Variants in NRXN2 observed in about 807,000 individuals in gnomAD.
NRXN2 encodes the protein neurexin 2, also known as neurexin-2-beta.
Under a neutral mutation model 128.8 loss-of-function variants are expected in NRXN2, and 29 were observed. The observed-to-expected ratio is 0.23, with a 90% CI of 0.17 to 0.31. The LOEUF (loss-of-function observed/expected upper bound fraction) is 0.31. Among genes scored for constraint, NRXN2 ranks in the 10% least tolerant of loss-of-function variants. The pLI, the probability that NRXN2 is intolerant of heterozygous loss-of-function variation, is 1.00. For missense variants in NRXN2, 1,881 were observed against 2,452.6 expected (o/e 0.77, Z 4.92); for synonymous variants, 1,098 against 1,075.2 (o/e 1.02, Z -0.41).
intron 18 of NRXN2, among the ~76,000 whole-genome samples, chr11:64,633,706 AT>A (rs1435002570): frequency 6.6e-6 from 1 of 152,116 alleles, no homozygotes; most frequent in Non-Finnish European, 1.5e-5. Flanking sequence ...CTCTGTCTTC[AT>A]CCCCCACTGT....
rs2044262188 is a variant in NRXN2, at chr11:64,633,642, C to G, written c.3585+1629G>C. Among the ~76,000 whole-genome samples, 3 of 152,154 alleles carry G rather than the reference C, an allele frequency of 2.0e-5. No homozygotes were observed. The South Asian group carries it at 6.2e-4, about 32-fold the overall frequency. On this transcript the variant is annotated intron_variant, in intron 18 of 22. Coordinates refer to ENST00000265459, the MANE Select transcript of NRXN2 (RefSeq NM_015080.4). ...ATTGAAACAACTGCAAACACCACTA[C>G]ATGGGGAAATACACATCTATAGATA...
chr11:64,663,325 C>T (rs563308814), intron 9 of NRXN2, among the ~76,000 whole-genome samples: 28 of 151,730 alleles, frequency 1.8e-4, no homozygotes, highest in Non-Finnish European at 4.0e-4. Flanking sequence ...TGAGATCATG[C>T]CACTACACTC....
chr11:64,683,149 C>T (rs1225743777), intron 6 of NRXN2, among the ~76,000 whole-genome samples: 1 of 152,224 alleles, frequency 6.6e-6, no homozygotes, highest in African/African-American at 2.4e-5. Flanking sequence ...ACAGTGTTCT[C>T]AGATCCTGGC....
chr11:64,702,072 C>G (rs924979991), intron 2 of NRXN2, among the ~76,000 whole-genome samples: 1 of 148,448 alleles, frequency 6.7e-6, no homozygotes, highest in Non-Finnish European at 1.5e-5. Context: ...CCCTGCCGCC[C>G]CTACTGGGAA....
At chr11:64,614,629 C>T (rs931919428) in intron 22 of NRXN2, among the ~76,000 whole-genome samples, 3 of 152,246 alleles carry the variant, frequency 2.0e-5, no homozygotes, top group African/African-American at 7.2e-5. Flanking sequence ...GGGCAGAGAG[C>T]CTGGCCTGCC....
intron 17 of NRXN2, among the ~76,000 whole-genome samples, chr11:64,645,423 G>A (rs2046497345): frequency 6.6e-6 from 1 of 152,078 alleles, no homozygotes; most frequent in South Asian, 2.1e-4. Context: ...GATGAACGGA[G>A]ACAGGGAGGC....
At position 64,630,638 on chromosome 11, in the gene NRXN2, C is replaced by T; in HGVS notation, c.3586-65G>A. 5 of 1,574,428 alleles carry T rather than the reference C, an allele frequency of 3.2e-6. No individual in the cohort carries two copies. The highest frequency in any genetic ancestry group is 1.1e-5 in the South Asian group (1 of 89,662). On this transcript the variant is annotated intron_variant, in intron 18 of 22. Coordinates refer to ENST00000265459, the MANE Select transcript of NRXN2 (RefSeq NM_015080.4). This position sits in a 1 kb window ranked among gnomAD's most constrained non-coding sequence, Gnocchi z 4.6. Reference sequence around the variant, plus strand: ...AACCATTCATCCCTTCTAGTGGCTACTCCTGTGACCACCACTAGCCCAGCT... The same window carrying T: ...AACCATTCATCCCTTCTAGTGGCTATTCCTGTGACCACCACTAGCCCAGCT...
chr11:64,671,450 C>T (rs991075994), intron 7 of NRXN2, among the ~76,000 whole-genome samples: 6 of 152,138 alleles, frequency 3.9e-5, no homozygotes, highest in East Asian at 1.9e-4. Context: ...ATAATTCCCC[C>T]GGTCCCCCTC....
chr11:64,679,251 TTA>T, intron 6 of NRXN2, among the ~76,000 whole-genome samples: 1 of 152,240 alleles, frequency 6.6e-6, no homozygotes, highest in African/African-American at 2.4e-5. Flanking sequence ...ACTCTTTGAG[TTA>T]GAACTGGTTA....
chr11:64,620,496 C>CT (rs1193158606), intron 21 of NRXN2, 124 bp from the exon 22 acceptor site: 15 of 762,210 alleles, frequency 2.0e-5, no homozygotes, highest in Non-Finnish European at 2.9e-5. Flanking sequence ...CCAGACTGGT[C>CT]TGAGTCCCAG....
intron 3 of NRXN2, among the ~76,000 whole-genome samples, chr11:64,693,130 GA>G (rs1448955027): frequency 2.7e-5 from 4 of 150,084 alleles, no homozygotes; most frequent in Non-Finnish European, 5.9e-5. Flanking sequence ...AAGAGAGAAA[GA>G]GAGATTAGGG....
chr11:64,697,117 A>T (rs2054656699), intron 3 of NRXN2, among the ~76,000 whole-genome samples: 1 of 151,718 alleles, frequency 6.6e-6, no homozygotes, highest in African/African-American at 2.4e-5. Flanking sequence ...AGAGGCACAC[A>T]CCCCACCCTT....
chr11:64,695,459 T>C (rs2054374827), intron 3 of NRXN2, among the ~76,000 whole-genome samples: 1 of 151,628 alleles, frequency 6.6e-6, no homozygotes, highest in Admixed American at 6.6e-5. Flanking sequence ...TACAGAGGAC[T>C]CCTTAGAGAT....
rs1440334201 is a variant in NRXN2 at position 64,658,886 on chromosome 11, G to A, written c.2389+1446C>T. Among the ~76,000 whole-genome samples the A allele has an allele frequency of 3.3e-5, 5 of 152,078 alleles. No homozygotes were observed. The South Asian group carries it at 8.3e-4, about 25-fold the overall frequency. ...CTAAAAATACAAAAATTAGCCAGGC[G>A]TGGTGGCGGGTGCCTGTAATCCCAG... On this transcript the variant is annotated intron_variant, in intron 11 of 22. Transcript: ENST00000265459.
At chr11:64,663,243 T>C (rs979727936) in intron 9 of NRXN2, among the ~76,000 whole-genome samples, 1 of 152,026 alleles carries the variant, frequency 6.6e-6, no homozygotes, top group African/African-American at 2.4e-5. Flanking sequence ...GGTGGGCATC[T>C]GCAATCCCAG....
In NRXN2 at chr11:64,607,192, G is replaced by A; in HGVS notation, c.*4C>T. 1 of 1,612,284 alleles carries A rather than the reference G, an allele frequency of 6.2e-7. No individual in the cohort carries two copies. Among genetic ancestry groups the A allele is most frequent in the Non-Finnish European group, 8.5e-7 (1 of 1,178,790 alleles). The stretch of plus-strand genomic sequence containing the variant: ...AGCTGGCAGTGGGGCGCAGTGCCGG[G>A]GGCTCAGACATAATACTCCTTGTCT... On this transcript the variant is annotated 3_prime_UTR_variant, in exon 23 of 23. Transcript: ENST00000265459.
chr11:64,709,598 C>G (rs2056693801), intron 2 of NRXN2, among the ~76,000 whole-genome samples: 1 of 152,136 alleles, frequency 6.6e-6, no homozygotes, highest in Non-Finnish European at 1.5e-5. Flanking sequence ...CAACATATAT[C>G]TGAAAATATA....
chr11:64,712,717 T>C (rs1357887746), intron 2 of NRXN2: 1 of 649,436 alleles, frequency 1.5e-6, no homozygotes, highest in Non-Finnish European at 2.9e-6. Context: ...CCACACAGGC[T>C]GCCCACAGGT....
intron 1 of NRXN2, among the ~76,000 whole-genome samples, chr11:64,716,987 A>G (rs1318200251): frequency 1.3e-5 from 2 of 151,916 alleles, no homozygotes; most frequent in African/African-American, 4.8e-5. Context: ...CCAGCCTCCA[A>G]CCCACCCTTC....
Sources: gnomAD v4.1 joint callset for allele counts (sites outside exome capture counted in the v4.1 genomes callset) on GRCh38, gnomAD v4.1.1 for gene constraint, Gnocchi (gnomAD v3.1) non-coding constraint, MANE v1.5 for transcripts, NCBI Gene and HGNC (gene_info 2026-07-23, HGNC 2026-07-21) for gene names.